Variants in GLS observed in about 807,000 individuals in gnomAD.
GLS encodes glutaminase kidney isoform, mitochondrial.
In GLS, 36 loss-of-function variants were observed where a neutral mutation model predicts 86.7. The observed-to-expected ratio is 0.42, with a 90% CI of 0.32 to 0.55. The LOEUF (loss-of-function observed/expected upper bound fraction) is 0.55. Among genes scored for constraint, GLS ranks in the 20% least tolerant of loss-of-function variants. The pLI is 0.17. For synonymous variants in GLS, 317 were observed against 305.9 expected, an observed-to-expected ratio of 1.04 and a Z score of -0.38; for missense variants, 528 against 833.4, an observed-to-expected ratio of 0.63 and a Z score of 4.51.
At chr2:190,888,857 ATC>A (rs1403450688) in intron 1 of GLS, among the ~76,000 whole-genome samples, 1 of 152,110 alleles carries the variant, frequency 6.6e-6, no homozygotes, top group Admixed American at 6.5e-5. Flanking sequence ...TACCTTCTGT[ATC>A]CAGTTCTGCT....
chr2:190,906,936 T>G (rs1278375228), intron 6 of GLS, among the ~76,000 whole-genome samples: 1 of 151,468 alleles, frequency 6.6e-6, no homozygotes, highest in Non-Finnish European at 1.5e-5. Flanking sequence ...TAGTAGTTTT[T>G]TTTTTTTTTT....
rs1690823634 is a variant in GLS, at chr2:190,954,998, A to G, written c.1853+180A>G. On this transcript the variant is annotated intron_variant, in intron 17 of 17. Transcript: ENST00000320717. This position sits in a 1 kb window ranked among gnomAD's most constrained non-coding sequence, Gnocchi z 4.0. Reference sequence around the variant, plus strand: ...TTCTGTCTCCCATATCCTGTTTCTTATCTAAGAATGGTGTCTTATTTAGAA... The same window carrying G: ...TTCTGTCTCCCATATCCTGTTTCTTGTCTAAGAATGGTGTCTTATTTAGAA... Among the ~76,000 whole-genome samples the G allele has an allele frequency of 6.6e-6, 1 of 152,156 alleles. No homozygotes were observed. The highest frequency in any genetic ancestry group is 1.5e-5 in the Non-Finnish European group (1 of 68,028).
At chr2:190,922,098 A>C (rs1385135518) in intron 9 of GLS, among the ~76,000 whole-genome samples, 1 of 152,054 alleles carries the variant, frequency 6.6e-6, no homozygotes, top group African/African-American at 2.4e-5. Flanking sequence ...AAATATTTTA[A>C]GCTTGTGTAC....
intron 14 of GLS, among the ~76,000 whole-genome samples, chr2:190,944,124 G>C (rs1690520059): frequency 6.6e-6 from 1 of 151,522 alleles, no homozygotes; most frequent in Admixed American, 6.6e-5. Flanking sequence ...CAGGGACCTT[G>C]TTTGTATTTA....
rs543389638 is a variant in GLS at position 190,935,040 on chromosome 2, A to G, written c.1650+3403A>G. 4.3e-6 allele frequency: 4 copies of G among 937,758 alleles called. No homozygotes were observed. Among genetic ancestry groups the G allele is most frequent in the Admixed American group, 6.2e-5 (1 of 16,142 alleles). The allele number at this position is 937,758 out of a possible 1,614,324, so 58.1% of individuals were successfully genotyped here. ...TGCCATTATTGATTCTTGATATTCA[A>G]GCATTTACAATGTAGCATATTTGAT... On this transcript the variant is annotated intron_variant, in intron 14 of 17. Coordinates refer to ENST00000320717, the MANE Select transcript of GLS (RefSeq NM_014905.5). This position sits in a 1 kb window ranked among gnomAD's most constrained non-coding sequence, Gnocchi z 4.2.
At chr2:190,881,532 T>TG (rs1259772034) in intron 1 of GLS, 62 bp downstream of exon 1, 1 of 1,446,114 alleles carries the variant, frequency 6.9e-7, no homozygotes, top group Non-Finnish European at 9.4e-7. Flanking sequence ...TCAGGCTGTG[T>TG]GGGGCCCTGC....
intron 1 of GLS, among the ~76,000 whole-genome samples, chr2:190,888,065 TC>T (rs1047428084): frequency 1.3e-5 from 2 of 151,882 alleles, no homozygotes; most frequent in East Asian, 1.9e-4. Flanking sequence ...TTTTAAGATT[TC>T]CCCCCCATTA....
rs1161233927 is a variant in GLS at position 190,938,563 on chromosome 2, A to G, written c.1650+6926A>G. Among the ~76,000 whole-genome samples, 1 of 151,702 alleles carries G rather than the reference A, an allele frequency of 6.6e-6. No homozygotes were observed. Among genetic ancestry groups the G allele is most frequent in the Non-Finnish European group, 1.5e-5 (1 of 67,640 alleles). ...AGTAATCTTAAATGTTACCTGGTACAGACTCCCACCCCACTCAGCCCCCTT... is the reference window on the plus strand; with the variant it reads ...AGTAATCTTAAATGTTACCTGGTACGGACTCCCACCCCACTCAGCCCCCTT... On this transcript the variant is annotated intron_variant, in intron 14 of 17. Transcript: ENST00000320717. The surrounding 1 kb of genome is among the most constrained non-coding windows in gnomAD (Gnocchi z 4.1).
At chr2:190,922,774 C>T (rs1322918133) in intron 9 of GLS, among the ~76,000 whole-genome samples, 1 of 152,094 alleles carries the variant, frequency 6.6e-6, no homozygotes, top group African/African-American at 2.4e-5. Context: ...GGCTGTCCAC[C>T]TCAGTGATAT....
chr2:190,921,182 A>G lies in GLS; in HGVS notation c.1109A>G (p.Tyr370Cys). 1 of 1,607,256 alleles carries G rather than the reference A, an allele frequency of 6.2e-7. No individual in the cohort carries two copies. The highest frequency in any genetic ancestry group is 8.5e-7 in the Non-Finnish European group (1 of 1,174,180). The change falls in exon 9 of 18, where the codon TAT becomes TGT. Residue 370 changes from tyrosine to cysteine, a missense_variant. Coordinates refer to ENST00000320717, the MANE Select transcript of GLS (RefSeq NM_014905.5). The surrounding 1 kb of genome is among the most constrained non-coding windows in gnomAD (Gnocchi z 4.2). ...QFLNKMAGNE[Y>C]VGFSNATFQS... The stretch of plus-strand genomic sequence containing the variant: ...TTGAATAAGATGGCTGGTAATGAAT[A>G]TGTTGGATTCAGTAATGCAACGTGA...
intron 17 of GLS, among the ~76,000 whole-genome samples, chr2:190,959,137 C>G (rs2124956227): frequency 6.6e-6 from 1 of 152,058 alleles, no homozygotes; most frequent in African/African-American, 2.4e-5. Flanking sequence ...GGATAGTTAG[C>G]TCTTCTTGTT....
chr2:190,957,499 A>C, intron 17 of GLS, among the ~76,000 whole-genome samples: 1 of 152,210 alleles, frequency 6.6e-6, no homozygotes, highest in Non-Finnish European at 1.5e-5. Flanking sequence ...TTTCAAAGGG[A>C]ATGCTTCCAG....
intron 17 of GLS, among the ~76,000 whole-genome samples, chr2:190,961,534 C>T (rs1310817509): frequency 6.6e-6 from 1 of 152,076 alleles, no homozygotes; most frequent in African/African-American, 2.4e-5. Context: ...TTCATTAATT[C>T]ACAGAAGAAT....
Position 190,951,025 on chromosome 2 carries a change from G to A in GLS, c.1651-2540G>A, listed in dbSNP as rs911695561. 6.6e-6 allele frequency among the ~76,000 whole-genome samples: 1 copy of A among 152,190 alleles called. No individual in the cohort carries two copies. The highest frequency in any genetic ancestry group is 2.4e-5 in the African/African-American group (1 of 41,444). The stretch of plus-strand genomic sequence containing the variant: ...TATCAAGTGGAGCTGTAGGACTGGA[G>A]CTTAGGAGAAAGATTTAGATTAAAG... On this transcript the variant is annotated intron_variant, in intron 14 of 17. Coordinates refer to ENST00000320717, the MANE Select transcript of GLS (RefSeq NM_014905.5). The surrounding 1 kb of genome is among the most constrained non-coding windows in gnomAD (Gnocchi z 4.2).
At position 190,917,463 on chromosome 2, in the gene GLS, A is replaced by G. The variant is rs185070747; in HGVS notation, c.1039-3561A>G. Among the ~76,000 whole-genome samples the G allele has an allele frequency of 9.6e-4, 146 of 152,318 alleles. 2 individuals are homozygous for G. The highest frequency in any genetic ancestry group is 3.5e-3 in the African/African-American group (144 of 41,554). On this transcript the variant is annotated intron_variant, in intron 7 of 17. Coordinates refer to ENST00000320717, the MANE Select transcript of GLS (RefSeq NM_014905.5). The stretch of plus-strand genomic sequence containing the variant: ...ATCCATGAGGATTGGAATCAACTTC[A>G]TTTGAACTCCTGTTAATATTGATAT...
At chr2:190,885,850 T>G (rs984531848) in intron 1 of GLS, among the ~76,000 whole-genome samples, 4 of 150,950 alleles carry the variant, frequency 2.6e-5, no homozygotes, top group East Asian at 3.9e-4. Context: ...GAGTTTTAGT[T>G]TTTTTTTTTA....
In GLS at chr2:190,960,100, G is replaced by GA. The variant is rs373452031; in HGVS notation, c.1854-2728dup. Among the ~76,000 whole-genome samples the GA allele has an allele frequency of 5.9e-3, 905 of 152,266 alleles. 16 individuals carry two copies. Among genetic ancestry groups the GA allele is most frequent in the African/African-American group, 0.019 (803 of 41,536 alleles). On this transcript the variant is annotated intron_variant, in intron 17 of 17. Coordinates refer to ENST00000320717, the MANE Select transcript of GLS (RefSeq NM_014905.5). ...AAATGATGTCAACAAAGTGGTCAGG[G>GA]AAGGGATAAGAATGCAGCTTACACA...
intron 14 of GLS, among the ~76,000 whole-genome samples, chr2:190,941,863 A>T (rs1041898468): frequency 6.6e-6 from 1 of 151,994 alleles, no homozygotes; most frequent in African/African-American, 2.4e-5. Context: ...GAATTGTTAG[A>T]GTGTCTTAAT....
Position 190,891,269 on chromosome 2 carries a change from A to G in GLS, c.387-3883A>G, listed in dbSNP as rs546251117. Among the ~76,000 whole-genome samples, 3 of 152,232 alleles carry G rather than the reference A, an allele frequency of 2.0e-5. 1 individual carries two copies. The highest frequency in any genetic ancestry group is 4.1e-4 in the South Asian group (2 of 4,822). ...TTAGTCATATTTCTCCTAGACCACA[A>G]CCTTACTTTAGGGATCTTTATTGCT... On this transcript the variant is annotated intron_variant, in intron 1 of 17. Transcript: ENST00000320717.
Sources: allele counts gnomAD v4.1 joint callset (sites outside exome capture counted in the v4.1 genomes callset), GRCh38; gene constraint gnomAD v4.1.1; non-coding constraint Gnocchi (gnomAD v3.1); transcripts MANE v1.5; gene names NCBI Gene and HGNC (gene_info 2026-07-23, HGNC 2026-07-21).